Variants in LIPK observed in about 807,000 individuals in gnomAD.
The protein encoded by LIPK is lipase member K.
In LIPK, 32 loss-of-function variants were observed where a neutral mutation model predicts 48.6. The observed-to-expected ratio is 0.66, with a 90% CI of 0.50 to 0.88. LIPK has a LOEUF of 0.88. LIPK is among the 40% of genes least tolerant of loss of function. The pLI is 0.00. For missense variants in LIPK, 507 were observed against 478.5 expected (o/e 1.06, Z -0.56); for synonymous variants, 164 against 157.4 (o/e 1.04, Z -0.32).
chr10:88,728,446 C>G (rs450795), intron 3 of LIPK: 148,930 of 193,512 alleles, frequency 0.77, 58,547 homozygotes, highest in East Asian at 1. Context: ...GCCGGCTCCA[C>G]CATGAGACTG....
intron 1 of LIPK, among the ~76,000 whole-genome samples, chr10:88,713,361 A>C (rs1564972687): frequency 2.0e-5 from 3 of 150,510 alleles, no homozygotes; most frequent in Non-Finnish European, 2.9e-5. Flanking sequence ...CAAAAATTAT[A>C]GCTGTTATTG....
intron 2 of LIPK, among the ~76,000 whole-genome samples, chr10:88,725,173 C>T (rs551245521): frequency 2.0e-5 from 3 of 152,308 alleles, no homozygotes; most frequent in East Asian, 1.9e-4. Context: ...CCTATATAAA[C>T]GGCGCACAAT....
At position 88,720,715 on chromosome 10, in the gene LIPK, G is replaced by GCA. The variant is rs3068334; in HGVS notation, c.-11-3801_-11-3800dup. On this transcript the variant is annotated intron_variant, in intron 1 of 9. Coordinates refer to ENST00000404190, the MANE Select transcript of LIPK (RefSeq NM_001080518.2). Reference sequence around the variant, plus strand: ...GTCTGAATATCCAAGCAAGTTTTATGCACACACACACACACACAGTCTATA... The same window carrying GCA: ...GTCTGAATATCCAAGCAAGTTTTATGCACACACACACACACACACAGTCTATA... Among the ~76,000 whole-genome samples the GCA allele has an allele frequency of 3.5e-3, 520 of 149,762 alleles. 2 individuals carry two copies. Among genetic ancestry groups the GCA allele is most frequent in the Middle Eastern group, 0.021 (6 of 286 alleles).
chr10:88,732,977 A>T lies in LIPK; in HGVS notation c.669+426A>T, dbSNP rs142094014. Among the ~76,000 whole-genome samples the T allele has an allele frequency of 8.9e-4, 136 of 152,302 alleles. 1 individual carries two copies. In the East Asian group the frequency reaches 0.014, roughly 15 times the overall value. ...CTGGGTAAATTTGGTCAAGACCTTA[A>T]GTTCTCTTCATCTGTAATGTGGGGA... On this transcript the variant is annotated intron_variant, in intron 6 of 9. Coordinates refer to ENST00000404190, the MANE Select transcript of LIPK (RefSeq NM_001080518.2).
intron 7 of LIPK, among the ~76,000 whole-genome samples, chr10:88,739,493 A>AG (rs11408824): frequency 0.22 from 33,076 of 152,016 alleles, 3,769 homozygotes; most frequent in East Asian, 0.37. Context: ...TGGAGGAAAA[A>AG]TTCTTCAAAG....
chr10:88,734,578 A>G (rs1842532847), intron 6 of LIPK, among the ~76,000 whole-genome samples: 1 of 152,186 alleles, frequency 6.6e-6, no homozygotes, highest in African/African-American at 2.4e-5. Flanking sequence ...TTTTAGAAAG[A>G]TTCCCCTGGG....
chr10:88,731,617 T>C (rs1564983582), intron 4 of LIPK, among the ~76,000 whole-genome samples: 1 of 152,262 alleles, frequency 6.6e-6, no homozygotes, highest in Non-Finnish European at 1.5e-5. Flanking sequence ...TTCCTTGGCC[T>C]CGTTGCCTGC....
chr10:88,711,287 T>C (rs1250316552), intron 1 of LIPK, among the ~76,000 whole-genome samples: 2 of 152,200 alleles, frequency 1.3e-5, no homozygotes, highest in Non-Finnish European at 2.9e-5. Context: ...AATAACGTGA[T>C]GTTTTGCTAT....
At chr10:88,749,435 T>A (rs1842826120) in intron 9 of LIPK, among the ~76,000 whole-genome samples, 1 of 152,018 alleles carries the variant, frequency 6.6e-6, no homozygotes, top group African/African-American at 2.4e-5. Context: ...ATGGAATGGG[T>A]TAGAGAACCC....
At chr10:88,740,630 G>A (rs967243557) in intron 8 of LIPK, among the ~76,000 whole-genome samples, 3 of 152,158 alleles carry the variant, frequency 2.0e-5, no homozygotes, top group African/African-American at 7.2e-5. Context: ...GTGTGTGTGT[G>A]TCTTTGTGTG....
At chr10:88,742,344 G>C (rs1030249004) in intron 8 of LIPK, among the ~76,000 whole-genome samples, 1 of 151,046 alleles carries the variant, frequency 6.6e-6, no homozygotes, top group Non-Finnish European at 1.5e-5. Flanking sequence ...AACAGCAGCA[G>C]ACTGCTGCCT....
At chr10:88,735,203 T>C (rs1291159063) in intron 6 of LIPK, among the ~76,000 whole-genome samples, 4 of 152,168 alleles carry the variant, frequency 2.6e-5, no homozygotes, top group Admixed American at 1.3e-4. Context: ...ATGAGTAGAG[T>C]TCGTCAAGTT....
intron 3 of LIPK, among the ~76,000 whole-genome samples, chr10:88,729,676 T>C (rs1459392500): frequency 5.9e-5 from 9 of 152,238 alleles, no homozygotes; most frequent in Non-Finnish European, 1.2e-4. Context: ...GACTATTTAA[T>C]GGTACTTAAC....
Position 88,743,338 on chromosome 10 carries a change from C to T in LIPK, c.960+17C>T, listed in dbSNP as rs751343772. ...TTCCATCAGGTACAAAAATAATCCTCATAATCAGTTCCATGCTGCAAATGA... is the reference window on the plus strand; with the variant it reads ...TTCCATCAGGTACAAAAATAATCCTTATAATCAGTTCCATGCTGCAAATGA... On this transcript the variant is annotated intron_variant, in intron 9 of 9. Transcript: ENST00000404190. The T allele has an allele frequency of 6.4e-7, 1 of 1,552,594 alleles. No homozygotes were observed. Among genetic ancestry groups the T allele is most frequent in the African/African-American group, 1.4e-5 (1 of 73,942 alleles).
chr10:88,726,952 C>G (rs1161268055), intron 3 of LIPK, 40 bp downstream of exon 3: 1 of 1,196,588 alleles, frequency 8.4e-7, no homozygotes, highest in Non-Finnish European at 1.2e-6. Flanking sequence ...ATACTTAAAG[C>G]AGAGGTACTT....
rs771847564 is a variant in LIPK, at chr10:88,731,067, C to T, written c.308C>T (p.Ala103Val). Residue 103 changes from alanine to valine, a missense_variant, in exon 4 of 10, where the codon GCT (alanine) becomes GTT (valine). Transcript: ENST00000404190. ...WICNLPNNSL[A>V]FLLADSGYDV... is the part of the protein sequence containing the mutation. ...TGCAACCTGCCCAACAACAGTTTGGCTTTCCTTCTGGCAGATAGTGGTTAT... is the reference window on the plus strand; with the variant it reads ...TGCAACCTGCCCAACAACAGTTTGGTTTTCCTTCTGGCAGATAGTGGTTAT... The T allele has an allele frequency of 1.9e-6, 3 of 1,604,022 alleles. No individual in the cohort carries two copies.
chr10:88,752,736 G>A lies in LIPK; in HGVS notation c.1180G>A (p.Glu394Lys), dbSNP rs1376743403. ...TTACCAAGACCTAATTATATTGATG[G>A]AAGAATATTTACAAAATTAAATGCA... The part of the protein sequence containing the change: ...EIYQDLIILM[E>K]EYLQN Residue 394 changes from glutamate (E) to lysine (K), a missense_variant, in exon 10 of 10, where the codon GAA becomes AAA. By Grantham distance (56) the Glu-to-Lys change is moderately conservative. Coordinates refer to ENST00000404190, the MANE Select transcript of LIPK (RefSeq NM_001080518.2). The A allele has an allele frequency of 3.2e-6, 5 of 1,550,998 alleles. No homozygotes were observed. The Admixed American group carries it at 9.6e-5, about 30-fold the overall frequency.
chr10:88,707,564 A>C (rs1037226943), intron 1 of LIPK, among the ~76,000 whole-genome samples: 2 of 151,996 alleles, frequency 1.3e-5, no homozygotes, highest in African/African-American at 4.8e-5. Context: ...CTGCCTTGGC[A>C]TTTTATTTCC....
At chr10:88,711,598 A>G (rs1406075293) in intron 1 of LIPK, among the ~76,000 whole-genome samples, 3 of 151,944 alleles carry the variant, frequency 2.0e-5, no homozygotes, top group Non-Finnish European at 4.4e-5. Flanking sequence ...TCAGCCTCCT[A>G]TGAGTAGCTG....
Sources: gnomAD v4.1 joint callset for allele counts (sites outside exome capture counted in the v4.1 genomes callset) on GRCh38, gnomAD v4.1.1 for gene constraint, MANE v1.5 for transcripts, NCBI Gene and HGNC (gene_info 2026-07-23, HGNC 2026-07-21) for gene names.